The following CHIA variants were observed in gnomAD, a reference collection of about 807,000 sequenced individuals.
The protein encoded by CHIA is acidic mammalian chitinase.
A neutral mutation model predicts 53.5 loss-of-function variants in CHIA; 47 were observed. The observed-to-expected ratio is 0.88, with a 90% CI of 0.70 to 1.12. The LOEUF (loss-of-function observed/expected upper bound fraction) is 1.12, where lower values mean the gene tolerates loss of function less well. CHIA is among the 50% of genes most tolerant of loss of function. CHIA has a pLI of 0.00. For synonymous variants in CHIA, 268 were observed against 222.2 expected (o/e 1.21, Z -1.83); for missense variants, 652 against 592.2 (o/e 1.10, Z -1.05).
chr1:111,319,604 G>A (rs534214908), intron 11 of CHIA, 136 bp downstream of exon 11: 16 of 819,898 alleles, frequency 2.0e-5, no homozygotes, highest in Non-Finnish European at 2.9e-5. Flanking sequence ...GCCCAGATGA[G>A]AGACAGGTTT....
rs998722107 is a variant in CHIA, at chr1:111,320,541, C to T, written c.*75C>T. Reference sequence around the variant, plus strand: ...CATGTTGCCCCTACCTAAAGTCCTGCAATAAAATCAGCAGTCAAAACATGA... The same window carrying T: ...CATGTTGCCCCTACCTAAAGTCCTGTAATAAAATCAGCAGTCAAAACATGA... On this transcript the variant is annotated 3_prime_UTR_variant, in exon 12 of 12. Coordinates refer to ENST00000369740, the MANE Select transcript of CHIA (RefSeq NM_201653.4). The T allele has an allele frequency of 1.5e-6, 2 of 1,373,298 alleles. No homozygotes were observed. The highest frequency in any genetic ancestry group is 1.4e-5 in the African/African-American group (1 of 69,962). 85.1% of individuals were successfully genotyped at this position (1,373,298 alleles called of 1,614,324 possible).
intron 6 of CHIA, 22 bp from the exon 7 acceptor site, chr1:111,317,659 A>G (rs1402768523): frequency 8.1e-6 from 13 of 1,614,036 alleles, no homozygotes; most frequent in African/African-American, 1.3e-5. Context: ...TAGATGTCCT[A>G]TTATGCCTTA....
chr1:111,298,952 A>G (rs939619110), intron 1 of CHIA, among the ~76,000 whole-genome samples: 2 of 152,230 alleles, frequency 1.3e-5, no homozygotes, highest in African/African-American at 4.8e-5. Flanking sequence ...AGAGAATATT[A>G]TAAACACCTC....
intron 6 of CHIA, chr1:111,315,765 G>A (rs1317882094): frequency 2.2e-6 from 1 of 464,618 alleles, no homozygotes; most frequent in Non-Finnish European, 4.3e-6. Flanking sequence ...GAGGATTTAA[G>A]CAACTTGCCC....
chr1:111,294,012 G>A (rs1012264329), intron 1 of CHIA, among the ~76,000 whole-genome samples: 1 of 152,188 alleles, frequency 6.6e-6, no homozygotes, highest in Non-Finnish European at 1.5e-5. Flanking sequence ...AGCCCAGGAA[G>A]TCAAGGATGC....
chr1:111,317,062 C>A (rs1649217934), intron 6 of CHIA: 1 of 152,482 alleles, frequency 6.6e-6, no homozygotes, highest in Non-Finnish European at 1.5e-5. Flanking sequence ...AGTTAAATAT[C>A]TTAATGCCTT....
intron 6 of CHIA, chr1:111,317,464 G>A (rs1649248865): frequency 2.1e-6 from 1 of 473,394 alleles, no homozygotes. Flanking sequence ...GGACTTTGGT[G>A]AAGTGTCCTA....
At chr1:111,314,266 T>C (rs2786150) in intron 4 of CHIA, among the ~76,000 whole-genome samples, 104,448 of 151,928 alleles carry the variant, frequency 0.69, 36,523 homozygotes, top group African/African-American at 0.76. Context: ...GCTATTCATG[T>C]TTTTTAAACT....
At position 111,320,327 on chromosome 1, in the gene CHIA, C is replaced by G; in HGVS notation, c.1292C>G (p.Ala431Gly). Residue 431 changes from alanine to glycine, a missense_variant, in exon 12 of 12, where the codon GCT becomes GGT. Ala to Gly is a moderately conservative substitution (Grantham distance 60). Transcript: ENST00000369740. ...AGCTCGGGAGGCAGTGGATTCTGTGCTGTCAGAGCCAACGGCCTCTACCCC... is the reference window on the plus strand; with the variant it reads ...AGCTCGGGAGGCAGTGGATTCTGTGGTGTCAGAGCCAACGGCCTCTACCCC... ...GGSSGGSGFCAVRANGLYPVA... is the reference protein window; with the variant it reads ...GGSSGGSGFCGVRANGLYPVA... 5 of 1,614,218 alleles carry G rather than the reference C, an allele frequency of 3.1e-6. No homozygotes were observed. The highest frequency in any genetic ancestry group is 2.5e-6 in the Non-Finnish European group (3 of 1,180,040).
intron 1 of CHIA, among the ~76,000 whole-genome samples, chr1:111,299,767 G>C (rs565291930): frequency 2.0e-5 from 3 of 151,856 alleles, no homozygotes; most frequent in Non-Finnish European, 2.9e-5. Flanking sequence ...AGAAATAAAG[G>C]GTATTCAATT....
intron 9 of CHIA, 51 bp downstream of exon 9, chr1:111,318,729 T>G (rs758875272): frequency 6.4e-7 from 1 of 1,556,466 alleles, no homozygotes; most frequent in South Asian, 1.2e-5. Context: ...CACTGTGCCT[T>G]AGGGCTAGAA....
chr1:111,292,018 A>T (rs1033448561), intron 1 of CHIA, among the ~76,000 whole-genome samples: 1 of 152,186 alleles, frequency 6.6e-6, no homozygotes. Flanking sequence ...AATCTTAAAA[A>T]TAGTAATTGT....
chr1:111,310,265 T>G, intron 1 of CHIA, 135 bp from the exon 2 acceptor site: 1 of 1,033,366 alleles, frequency 9.7e-7, no homozygotes, highest in Non-Finnish European at 1.3e-6. Flanking sequence ...CTGTCCTTGT[T>G]GGGCAGAGAA....
chr1:111,300,329 C>G (rs1188982440), intron 1 of CHIA, among the ~76,000 whole-genome samples: 1 of 152,184 alleles, frequency 6.6e-6, no homozygotes, highest in Non-Finnish European at 1.5e-5. Context: ...TGACTTCAAA[C>G]TATACTACAA....
Position 111,310,497 on chromosome 1 carries a change from G to A in CHIA, c.25+5G>A. 1.2e-6 allele frequency: 2 copies of A among 1,614,144 alleles called. No individual in the cohort carries two copies. The highest frequency in any genetic ancestry group is 1.7e-6 in the Non-Finnish European group (2 of 1,180,020). On this transcript the variant is annotated splice_donor_5th_base_variant and intron_variant, in intron 2 of 11. Transcript: ENST00000369740. The stretch of plus-strand genomic sequence containing the variant: ...CAAAGCTTATTCTCCTCACAGGTGG[G>A]TTTGTAATCAGAGATTGACCCTTCA...
chr1:111,314,691 A>G lies in CHIA; in HGVS notation c.314+95A>G, dbSNP rs1008809478. On this transcript the variant is annotated intron_variant, in intron 5 of 11. Transcript: ENST00000369740. ...CCCTTTAGACTTCACAATCTAAGAC[A>G]GGGTATTGAGGATGTACATAAACAA... The G allele has an allele frequency of 4.9e-6, 4 of 811,438 alleles. No homozygotes were observed. In the African/African-American group the frequency reaches 5.1e-5, roughly 10 times the overall value. 50.3% of individuals were successfully genotyped at this position (811,438 alleles called of 1,614,324 possible).
chr1:111,294,993 T>G (rs545051074), intron 1 of CHIA, among the ~76,000 whole-genome samples: 1 of 152,342 alleles, frequency 6.6e-6, no homozygotes, highest in South Asian at 2.1e-4. Flanking sequence ...GTCTGTAGTT[T>G]ACCTGTATGT....
chr1:111,311,003 T>A (rs1648618180), intron 2 of CHIA, among the ~76,000 whole-genome samples: 1 of 152,212 alleles, frequency 6.6e-6, no homozygotes, highest in African/African-American at 2.4e-5. Context: ...ATAAACATGT[T>A]AGAAATTAAA....
At chr1:111,309,070 T>G (rs1648456649) in intron 1 of CHIA, among the ~76,000 whole-genome samples, 1 of 152,182 alleles carries the variant, frequency 6.6e-6, no homozygotes. Flanking sequence ...AGCTAACGCA[T>G]GCTGGGCTTA....
Sources: gnomAD v4.1 joint callset for allele counts (sites outside exome capture counted in the v4.1 genomes callset) on GRCh38, gnomAD v4.1.1 for gene constraint, MANE v1.5 for transcripts, NCBI Gene and HGNC (gene_info 2026-07-23, HGNC 2026-07-21) for gene names.